ZRANB1: variants seen among roughly 807,000 people sequenced by gnomAD.
ZRANB1 encodes the protein ubiquitin thioesterase ZRANB1.
In ZRANB1, 16 loss-of-function variants were observed where a neutral mutation model predicts 80.5. The ratio of observed to expected loss-of-function variants is 0.20; its 90% CI spans 0.13 to 0.30. The LOEUF (loss-of-function observed/expected upper bound fraction) is 0.30, where lower values mean the gene tolerates loss of function less well. ZRANB1 is among the 10% of genes least tolerant of loss of function. The pLI is 1.00. For synonymous variants in ZRANB1, 291 were observed against 293.1 expected, an observed-to-expected ratio of 0.99 and a Z score of 0.07; for missense variants, 576 against 862.6, an observed-to-expected ratio of 0.67 and a Z score of 4.16.
At chr10:124,945,826 C>T (rs948944630) in intron 1 of ZRANB1, 4 of 152,084 alleles carry the variant, frequency 2.6e-5, no homozygotes, top group Admixed American at 2.0e-4. Flanking sequence ...GAGACAGGGT[C>T]GCGAGGCTGG....
intron 1 of ZRANB1, among the ~76,000 whole-genome samples, chr10:124,961,177 T>TC (rs1951731051): frequency 2.0e-5 from 3 of 152,012 alleles, no homozygotes; most frequent in South Asian, 2.1e-4. Context: ...AATTTTTTTT[T>TC]GTATTTTGAG....
chr10:124,977,475 G>T (rs1951887786), intron 5 of ZRANB1, among the ~76,000 whole-genome samples: 1 of 151,756 alleles, frequency 6.6e-6, no homozygotes, highest in African/African-American at 2.4e-5. Flanking sequence ...GAGATAGGGA[G>T]ATTGTGGGCA....
the ZRANB1 span, among the ~76,000 whole-genome samples, chr10:124,922,260 A>AATATATATATATATAT: frequency 1.2e-4 from 13 of 105,934 alleles, no homozygotes; most frequent in African/African-American, 4.8e-4. Flanking sequence ...ATATATGTAA[A>AATATATATATATATAT]ATATATATAT....
the ZRANB1 span, among the ~76,000 whole-genome samples, chr10:124,933,101 G>A: frequency 6.6e-6 from 1 of 150,932 alleles, no homozygotes; most frequent in Non-Finnish European, 1.5e-5. Flanking sequence ...TAAATAATCA[G>A]TGAAGTCCAG....
At chr10:124,970,874 G>C (rs1951820069) in intron 2 of ZRANB1, among the ~76,000 whole-genome samples, 1 of 119,492 alleles carries the variant, frequency 8.4e-6, no homozygotes, top group Non-Finnish European at 1.6e-5. Context: ...GTCTCTCTCT[G>C]TCACCCTGGC....
intron 2 of ZRANB1, 124 bp from the exon 3 acceptor site, chr10:124,971,841 G>A (rs1951828681): frequency 2.4e-6 from 2 of 838,324 alleles, no homozygotes; most frequent in South Asian, 6.0e-5. Flanking sequence ...TAATACCAGT[G>A]TATTTTAAGA....
At chr10:124,969,850 TA>T (rs1285815471) in intron 2 of ZRANB1, among the ~76,000 whole-genome samples, 1 of 152,004 alleles carries the variant, frequency 6.6e-6, no homozygotes, top group Admixed American at 6.6e-5. Flanking sequence ...TTGAGAACCA[TA>T]AGGTTGAAGG....
the ZRANB1 span, among the ~76,000 whole-genome samples, chr10:124,917,432 C>G: frequency 6.6e-6 from 1 of 151,460 alleles, no homozygotes; most frequent in Admixed American, 6.6e-5. Context: ...CCGCCGCTGT[C>G]GGCGCTTCCA....
chr10:124,922,281 A>AAT, the ZRANB1 span, among the ~76,000 whole-genome samples: 1,713 of 87,160 alleles, frequency 0.02, 41 homozygotes, highest in African/African-American at 0.07. Context: ...ATATATGTAA[A>AAT]ATATATATAT....
the ZRANB1 span, among the ~76,000 whole-genome samples, chr10:124,933,196 G>A: frequency 7.3e-6 from 1 of 136,964 alleles, no homozygotes; most frequent in East Asian, 2.2e-4. Flanking sequence ...GAGAGCAATG[G>A]CGCGATCTCG....
Position 124,967,359 on chromosome 10 carries a change from G to A in ZRANB1, c.1002+578G>A, listed in dbSNP as rs190329555. ...GAAGTTGAGGAAAGCATTTTTACAG[G>A]GGGCAGAGATGGTGGAATTTGTGGT... On this transcript the variant is annotated intron_variant, in intron 2 of 8. Transcript: ENST00000359653. Among the ~76,000 whole-genome samples the A allele has an allele frequency of 2.8e-3, 431 of 152,304 alleles. 3 individuals are homozygous for A. The highest frequency in any genetic ancestry group is 0.01 in the African/African-American group (417 of 41,550).
chr10:124,953,196 G>T (rs764024110), intron 1 of ZRANB1, among the ~76,000 whole-genome samples: 3 of 151,976 alleles, frequency 2.0e-5, no homozygotes, highest in Non-Finnish European at 2.9e-5. Context: ...AAAGTGCTGG[G>T]ATTACAGGCG....
In ZRANB1 at chr10:124,985,061, C is replaced by T. The variant is rs887694348; in HGVS notation, c.*69C>T. The T allele has an allele frequency of 7.9e-7, 1 of 1,268,604 alleles. No individual in the cohort carries two copies. 78.6% of individuals were successfully genotyped at this position (1,268,604 alleles called of 1,614,324 possible). A position where few individuals can be genotyped will look rare whatever the true frequency, so the allele number is the denominator to read the frequency against. On this transcript the variant is annotated 3_prime_UTR_variant, in exon 9 of 9. Coordinates refer to ENST00000359653, the MANE Select transcript of ZRANB1 (RefSeq NM_017580.3). Reference sequence around the variant, plus strand: ...ATGACCCTAAAGTTAGTGTGGTGCTCCAAGCAGAGTCGACATCATGGAATG... The same window carrying T: ...ATGACCCTAAAGTTAGTGTGGTGCTTCAAGCAGAGTCGACATCATGGAATG...
the ZRANB1 span, chr10:124,917,317 C>T: frequency 2.0e-5 from 3 of 151,172 alleles, no homozygotes; most frequent in South Asian, 1.8e-4. Context: ...TGCCGGGCCC[C>T]TCGCTCCCAG....
At chr10:124,944,942 C>T (rs963004259) in intron 1 of ZRANB1, among the ~76,000 whole-genome samples, 4 of 151,400 alleles carry the variant, frequency 2.6e-5, no homozygotes, top group South Asian at 2.1e-4. Context: ...GAAAACATAC[C>T]GGGCTATCTT....
intron 1 of ZRANB1, chr10:124,962,357 A>G: frequency 1.0e-6 from 1 of 985,354 alleles, no homozygotes; most frequent in Non-Finnish European, 1.2e-6. Context: ...CTGTGATGTC[A>G]CAGCTACCAT....
At chr10:124,941,377 G>A (rs1564954057), upstream of ZRANB1, among the ~76,000 whole-genome samples, 1 of 152,034 alleles carries the variant, frequency 6.6e-6, no homozygotes, top group Non-Finnish European at 1.5e-5. Flanking sequence ...GGCAGGGGAT[G>A]GAGTCTCACT....
intron 1 of ZRANB1, among the ~76,000 whole-genome samples, chr10:124,963,265 C>CAAAAAAAAAAAAAA: frequency 1.6e-5 from 1 of 62,370 alleles, no homozygotes; most frequent in Non-Finnish European, 3.4e-5. Context: ...GACTCTGTCT[C>CAAAAAAAAAAAAAA]AAAAAAAAAA....
chr10:124,984,832 C>T lies in ZRANB1; in HGVS notation c.1967C>T (p.Thr656Met), dbSNP rs755272364. The T allele has an allele frequency of 5.0e-6, 8 of 1,613,574 alleles. No homozygotes were observed. The highest frequency in any genetic ancestry group is 1.1e-5 in the South Asian group (1 of 91,026). The change falls in exon 9 of 9, where the codon ACG becomes ATG. Residue 656 changes from threonine (T) to methionine (M), a missense_variant. Thr to Met is a moderately conservative substitution (Grantham distance 81, BLOSUM62 -1). Transcript: ENST00000359653. The part of the protein sequence containing the change: ...LLREWLDCCV[T>M]EGGVLVAMQK... ...AGGGAGTGGCTGGACTGCTGTGTGA[C>T]GGAGGGGGGAGTTCTGGTTGCCATG...
Sources: gnomAD v4.1 joint callset for allele counts (sites outside exome capture counted in the v4.1 genomes callset) on GRCh38, gnomAD v4.1.1 for gene constraint, MANE v1.5 for transcripts, NCBI Gene and HGNC (gene_info 2026-07-23, HGNC 2026-07-21) for gene names.